STARD10: variants seen among roughly 807,000 people sequenced by gnomAD.
STARD10 encodes the protein START domain-containing protein 10.
A neutral mutation model predicts 36.0 loss-of-function variants in STARD10; 24 were observed. The ratio of observed to expected loss-of-function variants is 0.67; its 90% CI spans 0.48 to 0.94. The LOEUF is 0.94. Ranked by LOEUF, STARD10 falls within the 40% of genes least tolerant of loss-of-function variation. The pLI is 0.00. For synonymous variants in STARD10, 156 were observed against 161.9 expected, an observed-to-expected ratio of 0.96 and a Z score of 0.28; for missense variants, 335 against 396.6, an observed-to-expected ratio of 0.84 and a Z score of 1.32.
chr11:72,755,785 C>G, intron 5 of STARD10, 32 bp from the exon 6 acceptor site: 1 of 1,592,294 alleles, frequency 6.3e-7, no homozygotes, highest in Non-Finnish European at 8.6e-7. Flanking sequence ...GAAGCAGCCT[C>G]AGGGACCCAG....
chr11:72,761,542 G>C (rs1858716468), intron 2 of STARD10, among the ~76,000 whole-genome samples: 1 of 152,068 alleles, frequency 6.6e-6, no homozygotes, highest in African/African-American at 2.4e-5. Context: ...AGATCACTTG[G>C]GGTCAGGAGT....
chr11:72,770,275 G>A (rs749117481), intron 2 of STARD10, among the ~76,000 whole-genome samples: 4 of 152,196 alleles, frequency 2.6e-5, no homozygotes, highest in Non-Finnish European at 4.4e-5. Flanking sequence ...CTGGAGTGCA[G>A]TGGCACTATC....
At chr11:72,772,989 C>T (rs1858884293) in intron 2 of STARD10, among the ~76,000 whole-genome samples, 1 of 152,180 alleles carries the variant, frequency 6.6e-6, no homozygotes, top group South Asian at 2.1e-4. Flanking sequence ...CATGTGTCTC[C>T]CCATGAGGCC....
At chr11:72,782,925 G>C (rs948326104) in intron 1 of STARD10, among the ~76,000 whole-genome samples, 1 of 152,148 alleles carries the variant, frequency 6.6e-6, no homozygotes, top group Non-Finnish European at 1.5e-5. Context: ...TGACCAGCAC[G>C]CAGATCTCAG....
chr11:72,773,869 A>C (rs1366913734), intron 2 of STARD10, among the ~76,000 whole-genome samples: 1 of 152,226 alleles, frequency 6.6e-6, no homozygotes, highest in Non-Finnish European at 1.5e-5. Flanking sequence ...GCAGGGTCTG[A>C]TCTGTGTGGT....
chr11:72,773,025 G>A (rs998108225), intron 2 of STARD10, among the ~76,000 whole-genome samples: 2 of 152,202 alleles, frequency 1.3e-5, no homozygotes, highest in Admixed American at 6.5e-5. Context: ...GCAGGACCCA[G>A]GTCTGATATC....
At chr11:72,757,956 A>AACGCGC (rs985984433) in intron 4 of STARD10, 72 bp from the exon 5 acceptor site, 9 of 1,281,290 alleles carry the variant, frequency 7.0e-6, no homozygotes, top group African/African-American at 5.8e-5. Flanking sequence ...AGTATACACA[A>AACGCGC]ACGCGCACGC....
chr11:72,787,630 T>A (rs1445793025), intron 1 of STARD10, among the ~76,000 whole-genome samples: 2 of 152,238 alleles, frequency 1.3e-5, no homozygotes, highest in African/African-American at 4.8e-5. Context: ...CTCAGTTCGA[T>A]TGCGGGGTCG....
At chr11:72,780,141 A>AT in intron 2 of STARD10, 15 of 444,910 alleles carry the variant, frequency 3.4e-5, no homozygotes, top group Non-Finnish European at 6.4e-5. Context: ...GGGGGCAGCT[A>AT]TTGAGGCCCT....
chr11:72,763,283 G>A (rs1244953931), intron 2 of STARD10, among the ~76,000 whole-genome samples: 1 of 152,156 alleles, frequency 6.6e-6, no homozygotes, highest in East Asian at 1.9e-4. Context: ...GAATAAACAA[G>A]TAAATGGAAT....
chr11:72,755,607 G>C (rs909514531), intron 6 of STARD10, 94 bp downstream of exon 6: 6 of 1,431,156 alleles, frequency 4.2e-6, no homozygotes, highest in Non-Finnish European at 5.9e-6. Flanking sequence ...CACCACGCCT[G>C]GCCCTCAGGC....
At chr11:72,792,733 G>A (rs916861516) in intron 1 of STARD10, 142 bp downstream of exon 1, 1 of 152,686 alleles carries the variant, frequency 6.5e-6, no homozygotes, top group African/African-American at 2.4e-5. Flanking sequence ...CCCCCAGATG[G>A]AGTTACCTGA....
intron 1 of STARD10, among the ~76,000 whole-genome samples, chr11:72,787,681 G>A (rs559871402): frequency 1.3e-5 from 2 of 152,192 alleles, no homozygotes; most frequent in Non-Finnish European, 2.9e-5. Flanking sequence ...TGTCAGAGGC[G>A]CCTGATCCAT....
At chr11:72,762,787 A>G (rs1393516247) in intron 2 of STARD10, among the ~76,000 whole-genome samples, 2 of 152,178 alleles carry the variant, frequency 1.3e-5, no homozygotes, top group African/African-American at 2.4e-5. Flanking sequence ...GGCAGAAAGA[A>G]CAGCCAGCCA....
intron 1 of STARD10, among the ~76,000 whole-genome samples, chr11:72,787,395 A>G (rs1859086872): frequency 6.6e-6 from 1 of 152,178 alleles, no homozygotes; most frequent in African/African-American, 2.4e-5. Flanking sequence ...CGCCACCACC[A>G]TACAGGACTT....
intron 2 of STARD10, among the ~76,000 whole-genome samples, chr11:72,771,750 T>A (rs1436203455): frequency 1.3e-5 from 2 of 152,058 alleles, no homozygotes; most frequent in African/African-American, 2.4e-5. Context: ...GCAGCAGTGA[T>A]GAACGTTGCA....
intron 2 of STARD10, among the ~76,000 whole-genome samples, chr11:72,776,299 G>A (rs1280552943): frequency 6.6e-6 from 1 of 152,152 alleles, no homozygotes; most frequent in Non-Finnish European, 1.5e-5. Context: ...CCTGTATGGG[G>A]AAACTGTGCC....
chr11:72,767,207 C>A (rs531714361), intron 2 of STARD10, among the ~76,000 whole-genome samples: 1 of 152,162 alleles, frequency 6.6e-6, no homozygotes, highest in Non-Finnish European at 1.5e-5. Flanking sequence ...ACCTCCATAA[C>A]CATTACCATT....
chr11:72,759,114 C>G (rs1858684352), intron 3 of STARD10, 120 bp downstream of exon 3: 2 of 1,272,510 alleles, frequency 1.6e-6, no homozygotes, highest in Non-Finnish European at 1.1e-6. Context: ...TCTCAGCACT[C>G]AAGTCTCCGA....
Sources: gnomAD v4.1 joint callset for allele counts (sites outside exome capture counted in the v4.1 genomes callset) on GRCh38, gnomAD v4.1.1 for gene constraint, MANE v1.5 for transcripts, NCBI Gene and HGNC (gene_info 2026-07-23, HGNC 2026-07-21) for gene names.